The following SP3 variants were observed in gnomAD, a reference collection of about 807,000 sequenced individuals.
The protein encoded by SP3 is transcription factor Sp3.
SP3 carries 10 observed loss-of-function variants against 70.3 expected under a neutral mutation model. That is an observed-to-expected ratio of 0.14 (90% CI 0.09 to 0.24). The LOEUF (loss-of-function observed/expected upper bound fraction) is 0.24, where lower values mean the gene tolerates loss of function less well. Ranked by LOEUF, SP3 falls within the 10% of genes least tolerant of loss-of-function variation. SP3 has a pLI of 1.00. For missense variants in SP3, 825 were observed against 914.6 expected, an observed-to-expected ratio of 0.90 and a Z score of 1.26; for synonymous variants, 402 against 333.5, an observed-to-expected ratio of 1.21 and a Z score of -2.24.
At position 173,965,214 on chromosome 2, in the gene SP3, C is replaced by T. The variant is rs1341089913; in HGVS notation, c.-43G>A. 8.4e-6 allele frequency: 13 copies of T among 1,545,778 alleles called. No individual in the cohort carries two copies. The highest frequency in any genetic ancestry group is 1.1e-5 in the Non-Finnish European group (13 of 1,144,638). ...TCAGGCGGGGCTCCCCGCCGCCTTA[C>T]ACATGGTGAGGAGCGAAGGCGGCGG... On this transcript the variant is annotated 5_prime_UTR_variant, in exon 1 of 7. Coordinates refer to ENST00000310015, the MANE Select transcript of SP3 (RefSeq NM_003111.5).
At chr2:173,944,396 G>A (rs1354887443) in intron 4 of SP3, among the ~76,000 whole-genome samples, 1 of 152,132 alleles carries the variant, frequency 6.6e-6, no homozygotes, top group Non-Finnish European at 1.5e-5. Context: ...TTAGCCAGGT[G>A]TGGTGGCACA....
At chr2:173,950,332 A>G (rs1256409098) in intron 4 of SP3, among the ~76,000 whole-genome samples, 1 of 151,934 alleles carries the variant, frequency 6.6e-6, no homozygotes, top group Non-Finnish European at 1.5e-5. Flanking sequence ...AAAAAAAAAA[A>G]GTACTTTCTC....
At chr2:173,931,132 T>C (rs1359012244) in intron 4 of SP3, among the ~76,000 whole-genome samples, 1 of 152,234 alleles carries the variant, frequency 6.6e-6, no homozygotes, top group Non-Finnish European at 1.5e-5. Context: ...AAAAAAACTT[T>C]ACAGCTAAAA....
At chr2:173,934,109 G>A (rs1435525898) in intron 4 of SP3, among the ~76,000 whole-genome samples, 1 of 151,842 alleles carries the variant, frequency 6.6e-6, no homozygotes, top group African/African-American at 2.4e-5. Context: ...GCACAGTGCG[G>A]GGCACCTGTA....
At chr2:173,936,206 T>C (rs1035824839) in intron 4 of SP3, among the ~76,000 whole-genome samples, 2 of 152,112 alleles carry the variant, frequency 1.3e-5, no homozygotes, top group Admixed American at 6.6e-5. Context: ...TTTCTATTTT[T>C]AGTAGAGACA....
At chr2:173,931,922 A>G (rs1690078409) in intron 4 of SP3, among the ~76,000 whole-genome samples, 1 of 152,066 alleles carries the variant, frequency 6.6e-6, no homozygotes, top group Admixed American at 6.5e-5. Flanking sequence ...GACCACTAAA[A>G]TTTTCTCCAT....
At chr2:173,941,620 T>A (rs1387968859) in intron 4 of SP3, among the ~76,000 whole-genome samples, 1 of 152,140 alleles carries the variant, frequency 6.6e-6, no homozygotes, top group Non-Finnish European at 1.5e-5. Flanking sequence ...AAGAAAGGGA[T>A]AAGCATTCCC....
intron 4 of SP3, among the ~76,000 whole-genome samples, chr2:173,929,075 G>A (rs1389529175): frequency 6.6e-6 from 1 of 152,108 alleles, no homozygotes; most frequent in Non-Finnish European, 1.5e-5. Context: ...AGGAGTCCAG[G>A]CTCCCCTTGA....
At chr2:173,929,763 AGT>A (rs1690020774) in intron 4 of SP3, among the ~76,000 whole-genome samples, 1 of 152,158 alleles carries the variant, frequency 6.6e-6, no homozygotes, top group Admixed American at 6.5e-5. Context: ...AGCATCAGAG[AGT>A]GTGACTCCTT....
At chr2:173,928,759 T>C (rs546612902) in intron 4 of SP3, among the ~76,000 whole-genome samples, 1 of 152,336 alleles carries the variant, frequency 6.6e-6, no homozygotes, top group African/African-American at 2.4e-5. Flanking sequence ...TTAGTCACCA[T>C]GTGGTTGGCT....
intron 5 of SP3, 166 bp from the exon 6 acceptor site, chr2:173,913,432 T>A: frequency 2.2e-6 from 1 of 459,846 alleles, no homozygotes. Flanking sequence ...AAAATTTATG[T>A]ATTTCAAGCA....
rs1169506186 is a variant in SP3 at position 173,901,399 on chromosome 2, CTT to C, written c.*8540_*8541del. ...CAGCCTATATATCTCTAAAATATATCTTATATATAAAATAATATGTACCTGGG... is the reference window on the plus strand; with the variant it reads ...CAGCCTATATATCTCTAAAATATATCATATATAAAATAATATGTACCTGGG... On this transcript the variant is annotated 3_prime_UTR_variant, in exon 7 of 7. Transcript: ENST00000310015. Among the ~76,000 whole-genome samples, 10 of 151,834 alleles carry C rather than the reference CTT, an allele frequency of 6.6e-5. No individual in the cohort carries two copies. The highest frequency in any genetic ancestry group is 9.7e-5 in the African/African-American group (4 of 41,356).
chr2:173,953,032 T>G (rs923052364), intron 4 of SP3, among the ~76,000 whole-genome samples: 2 of 152,234 alleles, frequency 1.3e-5, no homozygotes, highest in African/African-American at 4.8e-5. Context: ...AGAGTGAGTT[T>G]TACGGTATGT....
intron 1 of SP3, chr2:173,964,947 C>G: frequency 1.7e-6 from 1 of 589,782 alleles, no homozygotes; most frequent in Non-Finnish European, 2.8e-6. Flanking sequence ...CCGCCCGCCC[C>G]GGGGCCTGGC....
chr2:173,918,588 C>T lies in SP3; in HGVS notation c.1832+5G>A. ...AAAATATATATGTGTTTCATGTATG[C>T]ATACCTTCCACCACCTTCTTTACAG... On this transcript the variant is annotated splice_donor_5th_base_variant and intron_variant, in intron 5 of 6. Coordinates refer to ENST00000310015, the MANE Select transcript of SP3 (RefSeq NM_003111.5). The T allele has an allele frequency of 6.2e-7, 1 of 1,612,136 alleles. No individual in the cohort carries two copies. Among genetic ancestry groups the T allele is most frequent in the Non-Finnish European group, 8.5e-7 (1 of 1,178,922 alleles).
At chr2:173,935,090 A>G (rs1362704557) in intron 4 of SP3, among the ~76,000 whole-genome samples, 2 of 152,136 alleles carry the variant, frequency 1.3e-5, no homozygotes, top group Non-Finnish European at 2.9e-5. Context: ...TTTAAAGTCG[A>G]TGTTCTAGGC....
At chr2:173,924,404 A>T (rs562727999) in intron 4 of SP3, among the ~76,000 whole-genome samples, 1 of 152,378 alleles carries the variant, frequency 6.6e-6, no homozygotes, top group East Asian at 1.9e-4. Context: ...TAAACTGACT[A>T]GCGAGATATT....
intron 4 of SP3, among the ~76,000 whole-genome samples, chr2:173,947,210 T>C (rs1690570651): frequency 6.6e-6 from 1 of 152,226 alleles, no homozygotes; most frequent in Non-Finnish European, 1.5e-5. Flanking sequence ...TCTTAGCCAT[T>C]ATTTCATCAA....
chr2:173,924,005 T>C (rs1464688204), intron 4 of SP3, among the ~76,000 whole-genome samples: 6 of 152,090 alleles, frequency 3.9e-5, no homozygotes, highest in African/African-American at 1.4e-4. Flanking sequence ...CCTAAAAATA[T>C]AACTTCACTA....
Sources: allele counts gnomAD v4.1 joint callset (sites outside exome capture counted in the v4.1 genomes callset), GRCh38; gene constraint gnomAD v4.1.1; transcripts MANE v1.5; gene names NCBI Gene and HGNC (gene_info 2026-07-23, HGNC 2026-07-21).